Variants in DIP2A observed in about 807,000 individuals in gnomAD.
DIP2A encodes the protein DIP2 acetate--CoA ligase A, also known as disco-interacting protein 2 homolog A.
A neutral mutation model predicts 177.4 loss-of-function variants in DIP2A; 85 were observed. The ratio of observed to expected loss-of-function variants is 0.48; its 90% CI spans 0.40 to 0.57. The LOEUF (loss-of-function observed/expected upper bound fraction) is 0.57, where lower values mean the gene tolerates loss of function less well. Among genes scored for constraint, DIP2A ranks in the 20% least tolerant of loss-of-function variants. The pLI is 0.00. For missense variants in DIP2A, 1,791 were observed against 2,100.2 expected (o/e 0.85, Z 2.88); for synonymous variants, 886 against 881.8 (o/e 1.00, Z -0.08).
intron 25 of DIP2A, chr21:46,553,588 G>A (rs143364701): frequency 0.012 from 1,872 of 153,080 alleles, 15 homozygotes; most frequent in South Asian, 0.02. Flanking sequence ...TGAGAAAGCC[G>A]GTTGCAGATG....
At chr21:46,469,113 T>C (rs1453521509) in intron 1 of DIP2A, 1 of 152,216 alleles carries the variant, frequency 6.6e-6, no homozygotes, top group Non-Finnish European at 1.5e-5. Context: ...TCATGATTAT[T>C]TGTTTGCTTG....
intron 3 of DIP2A, among the ~76,000 whole-genome samples, chr21:46,496,070 CA>C (rs34294415): frequency 1 from 150,063 of 150,152 alleles, 74,987 homozygotes; most frequent in South Asian, 1. Flanking sequence ...GACTCCATCT[CA>C]AAAAAAAAAA....
At chr21:46,472,767 G>A (rs2055501623) in intron 1 of DIP2A, among the ~76,000 whole-genome samples, 1 of 152,196 alleles carries the variant, frequency 6.6e-6, no homozygotes, top group South Asian at 2.1e-4. Context: ...AGACAAGCTG[G>A]TTGAAACAAA....
intron 27 of DIP2A, 61 bp downstream of exon 27, chr21:46,554,757 G>T: frequency 6.5e-7 from 1 of 1,545,242 alleles, no homozygotes; most frequent in Non-Finnish European, 8.7e-7. Flanking sequence ...GCTGCCCTCC[G>T]CTGCCCCCTT....
chr21:46,548,225 T>C (rs550992858), intron 21 of DIP2A, among the ~76,000 whole-genome samples: 2 of 151,940 alleles, frequency 1.3e-5, no homozygotes, highest in African/African-American at 4.8e-5. Flanking sequence ...TGCGCCTGCG[T>C]GCAGGGGGAG....
In DIP2A at chr21:46,557,606, A is replaced by G. The variant is rs374941980; in HGVS notation, c.3651A>G (p.Ser1217=). 13 of 1,612,844 alleles carry G rather than the reference A, an allele frequency of 8.1e-6. No individual in the cohort carries two copies. The highest frequency in any genetic ancestry group is 1.1e-5 in the Non-Finnish European group (13 of 1,179,526). Residue 1217 remains serine, a synonymous_variant, in exon 31 of 38, where the codon TCA becomes TCG. Coordinates refer to ENST00000417564, the MANE Select transcript of DIP2A (RefSeq NM_015151.4). The surrounding 1 kb of genome is among the most constrained non-coding windows in gnomAD (Gnocchi z 6.0). ...CLCSVYSGHQ[S]VLVPPLELES... ...GCAGTGTCTACTCGGGACACCAATCAGTGCTGGTGCCCCCGCTGGAGCTGG... is the reference window on the plus strand; with the variant it reads ...GCAGTGTCTACTCGGGACACCAATCGGTGCTGGTGCCCCCGCTGGAGCTGG...
intron 8 of DIP2A, among the ~76,000 whole-genome samples, chr21:46,513,096 C>T (rs2148640011): frequency 1.8e-5 from 1 of 56,430 alleles, no homozygotes; most frequent in East Asian, 5.2e-4. Context: ...TGTAATCTAA[C>T]TTACATGTTG....
At position 46,519,745 on chromosome 21, in the gene DIP2A, T is replaced by C. The variant is rs191759813; in HGVS notation, c.1102+8131T>C. On this transcript the variant is annotated intron_variant, in intron 8 of 37. Transcript: ENST00000417564. ...CAGTAAAACAAAATAAGTAAAATTA[T>C]CCCAAGTAAATTAAATAGGGATTTT... Among the ~76,000 whole-genome samples, 37 of 150,846 alleles carry C rather than the reference T, an allele frequency of 2.5e-4. No homozygotes were observed. In the East Asian group the frequency reaches 6.1e-3, roughly 25 times the overall value.
chr21:46,534,857 C>G (rs909282735), intron 13 of DIP2A, among the ~76,000 whole-genome samples, 170 bp downstream of exon 13: 1 of 152,228 alleles, frequency 6.6e-6, no homozygotes, highest in African/African-American at 2.4e-5. Context: ...AGCATGCTTA[C>G]AGGGTCTCTG....
intron 2 of DIP2A, among the ~76,000 whole-genome samples, chr21:46,489,669 G>C (rs1471293310): frequency 6.6e-6 from 1 of 152,218 alleles, no homozygotes; most frequent in Non-Finnish European, 1.5e-5. Context: ...GAGTGGTAAG[G>C]GCTGGAGGAG....
chr21:46,494,529 A>G (rs529817407), intron 3 of DIP2A, among the ~76,000 whole-genome samples: 2 of 152,342 alleles, frequency 1.3e-5, no homozygotes, highest in East Asian at 1.9e-4. Flanking sequence ...AGATTCTGAC[A>G]TTCCTTCTTC....
chr21:46,538,547 G>A lies in DIP2A; in HGVS notation c.1866G>A (p.Arg622=). ...HWSLLAQRGQ[R]DVSLSSLRML... ...CTCTCCTAGCTCAGCGGGGCCAGAG[G>A]GACGTCAGCCTCAGCTCACTGCGCA... The change falls in exon 16 of 38, where the codon AGG becomes AGA. Residue 622 remains arginine (R), a synonymous_variant. Coordinates refer to ENST00000417564, the MANE Select transcript of DIP2A (RefSeq NM_015151.4). The A allele has an allele frequency of 1.3e-6, 2 of 1,564,476 alleles. No homozygotes were observed. Among genetic ancestry groups the A allele is most frequent in the South Asian group, 1.2e-5 (1 of 84,798 alleles).
At chr21:46,481,571 A>G (rs1476992075) in intron 1 of DIP2A, among the ~76,000 whole-genome samples, 1 of 152,186 alleles carries the variant, frequency 6.6e-6, no homozygotes, top group Non-Finnish European at 1.5e-5. Context: ...TTGCATGCCC[A>G]TCAGCAATAT....
intron 1 of DIP2A, 39 bp from the exon 2 acceptor site, chr21:46,484,718 G>A: frequency 6.6e-7 from 1 of 1,510,638 alleles, no homozygotes; most frequent in South Asian, 1.3e-5. Flanking sequence ...TTTTGGAATT[G>A]TAGAAGAAAT....
intron 23 of DIP2A, among the ~76,000 whole-genome samples, chr21:46,551,292 A>G (rs770028382): frequency 5.9e-5 from 9 of 152,202 alleles, no homozygotes; most frequent in Non-Finnish European, 1.0e-4. Flanking sequence ...AACACATATC[A>G]CTAAATACAT....
intron 1 of DIP2A, among the ~76,000 whole-genome samples, chr21:46,467,046 C>T (rs571650091): frequency 2.6e-5 from 4 of 152,008 alleles, no homozygotes; most frequent in African/African-American, 7.2e-5. Flanking sequence ...CCTGTAATCC[C>T]AGCACTTTGG....
chr21:46,554,585 C>T lies in DIP2A; in HGVS notation c.3165C>T (p.Leu1055=), dbSNP rs766818227. ...VALVYPPGVD[L]IAAFYGCLYC... ...TCCTTGTCTCCACAGGGGTGGACCTCATTGCCGCGTTCTATGGCTGCTTGT... is the reference window on the plus strand; with the variant it reads ...TCCTTGTCTCCACAGGGGTGGACCTTATTGCCGCGTTCTATGGCTGCTTGT... Residue 1055 remains leucine, a synonymous_variant, in exon 27 of 38, where the codon CTC becomes CTT. Transcript: ENST00000417564. The T allele has an allele frequency of 6.2e-7, 1 of 1,611,980 alleles. No individual in the cohort carries two copies. The highest frequency in any genetic ancestry group is 2.2e-5 in the East Asian group (1 of 44,816).
At chr21:46,469,325 G>GT (rs1181564147) in intron 1 of DIP2A, 2 of 152,226 alleles carry the variant, frequency 1.3e-5, no homozygotes, top group African/African-American at 4.8e-5. Context: ...TTTTACAGCA[G>GT]TTTTTCTAAT....
At chr21:46,513,887 T>C (rs1158586134) in intron 8 of DIP2A, among the ~76,000 whole-genome samples, 2 of 152,156 alleles carry the variant, frequency 1.3e-5, no homozygotes, top group Admixed American at 6.5e-5. Flanking sequence ...ACTTCTAATC[T>C]CAAGCATTTC....
Sources: allele counts gnomAD v4.1 joint callset (sites outside exome capture counted in the v4.1 genomes callset), GRCh38; gene constraint gnomAD v4.1.1; non-coding constraint Gnocchi (gnomAD v3.1); transcripts MANE v1.5; gene names NCBI Gene and HGNC (gene_info 2026-07-23, HGNC 2026-07-21).